Variants in CCN4 observed in about 807,000 individuals in gnomAD.
CCN4 encodes cellular communication network factor 4, also known as CCN family member 4.
Under a neutral mutation model 36.7 loss-of-function variants are expected in CCN4, and 30 were observed. That is an observed-to-expected ratio of 0.82 (90% CI 0.61 to 1.11). The LOEUF (loss-of-function observed/expected upper bound fraction) is 1.11, where lower values mean the gene tolerates loss of function less well. Ranked by LOEUF, CCN4 falls within the 50% of genes least tolerant of loss-of-function variation. The pLI is 0.00. For synonymous variants in CCN4, 191 were observed against 195.4 expected, an observed-to-expected ratio of 0.98 and a Z score of 0.19; for missense variants, 505 against 504.9, an observed-to-expected ratio of 1.00 and a Z score of 0.00.
At chr8:133,223,758 A>C (rs1854619635) in intron 3 of CCN4, among the ~76,000 whole-genome samples, 1 of 151,518 alleles carries the variant, frequency 6.6e-6, no homozygotes, top group Non-Finnish European at 1.5e-5. Context: ...CTCCTCATGC[A>C]CATGTGTGTT....
At position 133,229,720 on chromosome 8, in the gene CCN4, T is replaced by C. The variant is rs1564271503; in HGVS notation, c.*2010T>C. On this transcript the variant is annotated 3_prime_UTR_variant, in exon 5 of 5. Coordinates refer to ENST00000250160, the MANE Select transcript of CCN4 (RefSeq NM_003882.4). ...GAAGCTGTGCATGTGTTCCTACTTT[T>C]ATTCGAAGCTCTCTTCTTCCAAAGC... 1 of 152,254 alleles carries C rather than the reference T, an allele frequency of 6.6e-6. No individual in the cohort carries two copies. Among genetic ancestry groups the C allele is most frequent in the South Asian group, 2.1e-4 (1 of 4,834 alleles). The allele number at this position is 152,254 out of a possible 1,614,324, so 9.4% of individuals were successfully genotyped here.
At chr8:133,191,264 TG>T in intron 1 of CCN4, 51 bp downstream of exon 1, 1 of 1,567,178 alleles carries the variant, frequency 6.4e-7, no homozygotes, top group Non-Finnish European at 8.6e-7. Flanking sequence ...CCTTCTCTAC[TG>T]GGTCCTGCTA....
intron 1 of CCN4, among the ~76,000 whole-genome samples, chr8:133,208,676 G>A (rs1853871430): frequency 6.6e-6 from 1 of 152,046 alleles, no homozygotes; most frequent in Non-Finnish European, 1.5e-5. Flanking sequence ...TGCGCATTGG[G>A]TACCCTCTCC....
At chr8:133,193,942 G>A (rs993660656) in intron 1 of CCN4, among the ~76,000 whole-genome samples, 8 of 152,176 alleles carry the variant, frequency 5.3e-5, no homozygotes, top group African/African-American at 1.7e-4. Context: ...TCTGCCACTG[G>A]CTGTGTCGGC....
At chr8:133,207,949 C>G (rs1031341407) in intron 1 of CCN4, among the ~76,000 whole-genome samples, 2 of 150,850 alleles carry the variant, frequency 1.3e-5, no homozygotes, top group Non-Finnish European at 2.9e-5. Context: ...TGTCTAGCTG[C>G]TTCTTGATTA....
chr8:133,223,954 G>C (rs922643850), intron 3 of CCN4, among the ~76,000 whole-genome samples: 16 of 152,288 alleles, frequency 1.1e-4, no homozygotes, highest in African/African-American at 3.6e-4. Flanking sequence ...ATCCAAGAGT[G>C]GGTAGTTGAG....
intron 1 of CCN4, among the ~76,000 whole-genome samples, chr8:133,196,338 T>C (rs548634132): frequency 2.0e-5 from 3 of 152,302 alleles, no homozygotes; most frequent in East Asian, 1.9e-4. Flanking sequence ...TCCAGAGACA[T>C]GGTATGAATG....
At chr8:133,193,396 T>A (rs1303832242) in intron 1 of CCN4, among the ~76,000 whole-genome samples, 3 of 152,052 alleles carry the variant, frequency 2.0e-5, no homozygotes, top group African/African-American at 7.2e-5. Flanking sequence ...CAGAAGGAGA[T>A]CAGCCAAGGA....
intron 1 of CCN4, among the ~76,000 whole-genome samples, chr8:133,208,519 C>G (rs1853865776): frequency 6.6e-6 from 1 of 152,188 alleles, no homozygotes; most frequent in African/African-American, 2.4e-5. Flanking sequence ...TCAAGGTCTT[C>G]CTTGATGTAT....
At chr8:133,194,239 G>A (rs1853222094) in intron 1 of CCN4, among the ~76,000 whole-genome samples, 1 of 149,058 alleles carries the variant, frequency 6.7e-6, no homozygotes, top group Non-Finnish European at 1.5e-5. Context: ...GGTGGGGTGT[G>A]TTTGTGAGAG....
intron 1 of CCN4, among the ~76,000 whole-genome samples, chr8:133,206,473 C>T (rs1297850719): frequency 6.6e-6 from 1 of 152,212 alleles, no homozygotes; most frequent in Non-Finnish European, 1.5e-5. Flanking sequence ...GGCTGAGATG[C>T]TTCCCCCACT....
intron 4 of CCN4, 107 bp downstream of exon 4, chr8:133,225,690 G>C (rs2130624085): frequency 8.5e-7 from 1 of 1,177,418 alleles, no homozygotes; most frequent in African/African-American, 1.5e-5. Context: ...AGTGGGAATA[G>C]TTAAGCTCAC....
rs142565638 is a variant in CCN4, at chr8:133,191,533, C to T, written c.69+320C>T. ...GAGTCAGGGGCCCGGGCTCCAGACC[C>T]GTCTTCGCCTAACCTGGCTGTGTGG... is the stretch of plus-strand genomic sequence containing the variant. On this transcript the variant is annotated intron_variant, in intron 1 of 4. Coordinates refer to ENST00000250160, the MANE Select transcript of CCN4 (RefSeq NM_003882.4). Among the ~76,000 whole-genome samples, 520 of 152,268 alleles carry T rather than the reference C, an allele frequency of 3.4e-3. 2 individuals are homozygous for T. Among genetic ancestry groups the T allele is most frequent in the Non-Finnish European group, 6.2e-3 (421 of 68,008 alleles).
In CCN4 at chr8:133,230,756, C is replaced by T. The variant is rs1854929630; in HGVS notation, c.*3046C>T. ...TGCAAAAGGGAAGGAGACCTGAATT[C>T]ACCAAGTTAAATCTTGCTAAACCTT... On this transcript the variant is annotated 3_prime_UTR_variant, in exon 5 of 5. Transcript: ENST00000250160. 6.6e-6 allele frequency: 1 copy of T among 152,240 alleles called. No individual in the cohort carries two copies. Among genetic ancestry groups the T allele is most frequent in the South Asian group, 2.1e-4 (1 of 4,830 alleles). The allele number at this position is 152,240 out of a possible 1,614,324, so 9.4% of individuals were successfully genotyped here.
In CCN4 at chr8:133,207,994, G is replaced by GTTTT. The variant is rs33983896; in HGVS notation, c.70-4859_70-4856dup. On this transcript the variant is annotated intron_variant, in intron 1 of 4. Transcript: ENST00000250160. ...ATGGTGCACTCACTACCTTTCAGCTGTTTTTTTTTTTTTTCATCAGAAAAT... is the reference window on the plus strand; with the variant it reads ...ATGGTGCACTCACTACCTTTCAGCTGTTTTTTTTTTTTTTTTTTCATCAGAAAAT... Among the ~76,000 whole-genome samples the GTTTT allele has an allele frequency of 3.6e-3, 510 of 141,668 alleles. 7 individuals are homozygous for GTTTT. The highest frequency in any genetic ancestry group is 0.013 in the African/African-American group (492 of 38,168). 92.9% of individuals were successfully genotyped at this position (141,668 alleles called of 152,430 possible).
At chr8:133,215,415 C>A (rs1854283991) in intron 2 of CCN4, among the ~76,000 whole-genome samples, 1 of 152,200 alleles carries the variant, frequency 6.6e-6, no homozygotes, top group African/African-American at 2.4e-5. Flanking sequence ...ATTTATTCTT[C>A]CAGTAAAAAC....
At chr8:133,214,290 TA>T (rs34433353) in intron 2 of CCN4, among the ~76,000 whole-genome samples, 150,854 of 150,854 alleles carry the variant, frequency 1, 75,427 homozygotes, top group Non-Finnish European at 1. Context: ...CCACCTGATA[TA>T]ACCCCTACCT....
intron 2 of CCN4, 87 bp downstream of exon 2, chr8:133,213,230 C>A: frequency 6.8e-7 from 1 of 1,473,528 alleles, no homozygotes; most frequent in Non-Finnish European, 9.3e-7. Context: ...CCCCCACAGC[C>A]TTTCACCTGG....
At chr8:133,199,627 G>A (rs193096336) in intron 1 of CCN4, among the ~76,000 whole-genome samples, 34 of 152,302 alleles carry the variant, frequency 2.2e-4, no homozygotes, top group African/African-American at 7.7e-4. Flanking sequence ...GCAGGCGCGC[G>A]TGGAGTGAGA....
Sources: allele counts gnomAD v4.1 joint callset (sites outside exome capture counted in the v4.1 genomes callset), GRCh38; gene constraint gnomAD v4.1.1; transcripts MANE v1.5; gene names NCBI Gene and HGNC (gene_info 2026-07-23, HGNC 2026-07-21).